The following SMARCB1 variants were observed in gnomAD, a reference collection of about 807,000 sequenced individuals.
SMARCB1 encodes SWI/SNF-related matrix-associated actin-dependent regulator of chromatin subfamily B member 1.
In SMARCB1, 5 loss-of-function variants were observed where a neutral mutation model predicts 49.0. The ratio of observed to expected loss-of-function variants is 0.10; its 90% CI spans 0.05 to 0.21. The LOEUF (loss-of-function observed/expected upper bound fraction) is 0.21, where lower values mean the gene tolerates loss of function less well. SMARCB1 is among the 10% of genes least tolerant of loss of function. SMARCB1 has a pLI of 1.00. For missense variants in SMARCB1, 226 were observed against 509.2 expected, an observed-to-expected ratio of 0.44 and a Z score of 5.35; for synonymous variants, 201 against 200.1, an observed-to-expected ratio of 1.00 and a Z score of -0.04.
chr22:23,830,020 C>G (rs1433089637), intron 7 of SMARCB1, among the ~76,000 whole-genome samples: 3 of 152,206 alleles, frequency 2.0e-5, no homozygotes, highest in East Asian at 1.9e-4. Flanking sequence ...AATATTATCT[C>G]ATTGCATGGA....
At chr22:23,832,949 G>A (rs1048507554) in intron 7 of SMARCB1, among the ~76,000 whole-genome samples, 1 of 152,122 alleles carries the variant, frequency 6.6e-6, no homozygotes, top group Admixed American at 6.5e-5. Flanking sequence ...CCGGGGATAC[G>A]GCTTCTGTCC....
chr22:23,833,727 G>A (rs367801578), intron 8 of SMARCB1, 24 bp downstream of exon 8: 5 of 1,613,634 alleles, frequency 3.1e-6, no homozygotes, highest in Non-Finnish European at 3.4e-6. Flanking sequence ...TGTGGTCCTG[G>A]GCTCTGCCCA....
chr22:23,791,971 A>C, intron 2 of SMARCB1, 77 bp downstream of exon 2: 1 of 1,506,100 alleles, frequency 6.6e-7, no homozygotes, highest in Middle Eastern at 1.7e-4. Context: ...TTTTCACTCC[A>C]GAGTGTCTTC....
chr22:23,807,923 T>C (rs1220734422), intron 5 of SMARCB1, among the ~76,000 whole-genome samples: 47 of 134,128 alleles, frequency 3.5e-4, no homozygotes, highest in East Asian at 7.2e-4. Context: ...GTCTCCCGAG[T>C]AGCTGGGACT....
At chr22:23,817,387 G>A in intron 6 of SMARCB1, 2 of 260,324 alleles carry the variant, frequency 7.7e-6, no homozygotes, top group South Asian at 5.0e-5. Flanking sequence ...TTGGGCGCAG[G>A]CCTGCACCCT....
At chr22:23,788,881 A>G (rs961750621) in intron 1 of SMARCB1, among the ~76,000 whole-genome samples, 2 of 147,882 alleles carry the variant, frequency 1.4e-5, no homozygotes, top group Admixed American at 1.4e-4. Flanking sequence ...ACGAGGTTTG[A>G]CTCTATCACC....
At chr22:23,819,185 G>A (rs189272300) in intron 6 of SMARCB1, among the ~76,000 whole-genome samples, 43 of 152,150 alleles carry the variant, frequency 2.8e-4, no homozygotes, top group Non-Finnish European at 5.0e-4. Context: ...ATATTCTGTT[G>A]TATGGATCTA....
intron 7 of SMARCB1, among the ~76,000 whole-genome samples, chr22:23,827,659 A>G (rs2030455964): frequency 6.6e-6 from 1 of 152,226 alleles, no homozygotes; most frequent in South Asian, 2.1e-4. Context: ...ACACGTCCCT[A>G]TCACAGCAGC....
At chr22:23,825,508 T>C in intron 7 of SMARCB1, 93 bp downstream of exon 7, 1 of 1,113,834 alleles carries the variant, frequency 9.0e-7, no homozygotes. Flanking sequence ...CCTTTGAGGC[T>C]TTCTCACGCT....
Position 23,801,058 on chromosome 22 carries a change from CAAG to C in SMARCB1, c.482_484del (p.Lys161del). ...TCAACAGGAACCGCATGGGCCGAGACAAGAAGAGAACCTTCCCCCTTTGGTGTG... is the reference window on the plus strand; with the variant it reads ...TCAACAGGAACCGCATGGGCCGAGACAAGAGAACCTTCCCCCTTTGGTGTG... On this transcript the variant is annotated inframe_deletion, in exon 4 of 9. Coordinates refer to ENST00000644036, the MANE Select transcript of SMARCB1 (RefSeq NM_003073.5). 1 of 1,614,232 alleles carries C rather than the reference CAAG, an allele frequency of 6.2e-7. No homozygotes were observed. The highest frequency in any genetic ancestry group is 8.5e-7 in the Non-Finnish European group (1 of 1,180,034).
intron 4 of SMARCB1, chr22:23,801,938 A>C (rs17548631): frequency 0.17 from 26,878 of 161,328 alleles, 2,466 homozygotes; most frequent in African/African-American, 0.24. Context: ...CGGCGCGTGG[A>C]GATCCAGCCC....
chr22:23,822,957 CTTTTTTTTTTTTT>C (rs58056758), intron 6 of SMARCB1, among the ~76,000 whole-genome samples: 8 of 72,686 alleles, frequency 1.1e-4, no homozygotes, highest in African/African-American at 3.5e-4. Flanking sequence ...ACCAGCATAG[CTTTTTTTTTTTTT>C]TTTTTTTTTT....
intron 6 of SMARCB1, among the ~76,000 whole-genome samples, chr22:23,820,767 G>T (rs2030042517): frequency 6.6e-6 from 1 of 152,208 alleles, no homozygotes. Context: ...AGAGAAGTGG[G>T]GTGGGGATGG....
chr22:23,797,790 C>T lies in SMARCB1; in HGVS notation c.363-3154C>T, dbSNP rs1032080610. On this transcript the variant is annotated intron_variant, in intron 3 of 8. Transcript: ENST00000644036. The stretch of plus-strand genomic sequence containing the variant: ...CAGGCACCACACCTAGCTAATTTTT[C>T]GTAGTTTTAGTAGAGACGGGGTTTC... Among the ~76,000 whole-genome samples, 5 of 148,644 alleles carry T rather than the reference C, an allele frequency of 3.4e-5. No homozygotes were observed. In the South Asian group the frequency reaches 6.4e-4, roughly 19 times the overall value.
At chr22:23,823,688 T>C (rs1160361362) in intron 6 of SMARCB1, 2 of 151,488 alleles carry the variant, frequency 1.3e-5, no homozygotes, top group Non-Finnish European at 3.0e-5. Context: ...TCGCAGCTAC[T>C]CAGGAGACTC....
At chr22:23,824,211 T>A (rs2030252296) in intron 6 of SMARCB1, 1 of 152,202 alleles carries the variant, frequency 6.6e-6, no homozygotes, top group Admixed American at 6.5e-5. Context: ...GGTACCCTAA[T>A]CTCTAAAAGG....
intron 7 of SMARCB1, among the ~76,000 whole-genome samples, chr22:23,832,374 T>G (rs964507454): frequency 3.9e-5 from 6 of 152,166 alleles, no homozygotes; most frequent in Non-Finnish European, 7.4e-5. Flanking sequence ...CTGTCCTCTC[T>G]ATCAGTGTCC....
At chr22:23,822,957 C>CTTTTTTTTTTTTTT (rs58056758) in intron 6 of SMARCB1, among the ~76,000 whole-genome samples, 4 of 72,690 alleles carry the variant, frequency 5.5e-5, no homozygotes, top group Admixed American at 2.0e-4. Flanking sequence ...ACCAGCATAG[C>CTTTTTTTTTTTTTT]TTTTTTTTTT....
intron 5 of SMARCB1, among the ~76,000 whole-genome samples, chr22:23,813,841 T>TAA (rs550611916): frequency 2.0e-5 from 3 of 151,930 alleles, no homozygotes; most frequent in Non-Finnish European, 4.4e-5. Context: ...TATTATTATT[T>TAA]TTTTTTGAGA....
Sources: gnomAD v4.1 joint callset for allele counts (sites outside exome capture counted in the v4.1 genomes callset) on GRCh38, gnomAD v4.1.1 for gene constraint, MANE v1.5 for transcripts, NCBI Gene and HGNC (gene_info 2026-07-23, HGNC 2026-07-21) for gene names.